PCDH15: variants seen among roughly 807,000 people sequenced by gnomAD.
PCDH15 encodes the protein protocadherin-15.
PCDH15 carries 129 observed loss-of-function variants against 178.5 expected under a neutral mutation model. That is an observed-to-expected ratio of 0.72 (90% CI 0.63 to 0.84). PCDH15 has a LOEUF of 0.84. PCDH15 is among the 40% of genes least tolerant of loss of function. The probability of loss-of-function intolerance (pLI) is 0.00; values close to 1 mark genes in which losing one functional copy is unlikely to be tolerated. For synonymous variants in PCDH15, 800 were observed against 732.0 expected, an observed-to-expected ratio of 1.09 and a Z score of -1.50; for missense variants, 2,230 against 2,099.9, an observed-to-expected ratio of 1.06 and a Z score of -1.21.
At chr10:54,779,135 G>A (rs570278036) in intron 1 of PCDH15, among the ~76,000 whole-genome samples, 1 of 151,832 alleles carries the variant, frequency 6.6e-6, no homozygotes, top group Admixed American at 6.6e-5. Context: ...ACTTTTCTAA[G>A]GCAAGATTCT....
intron 2 of PCDH15, among the ~76,000 whole-genome samples, chr10:54,651,452 T>G (rs955681342): frequency 5.9e-5 from 9 of 152,170 alleles, no homozygotes; most frequent in Non-Finnish European, 1.2e-4. Flanking sequence ...GTTCACTGTT[T>G]TATTAAAAAT....
intron 2 of PCDH15, among the ~76,000 whole-genome samples, chr10:55,402,657 T>G (rs188508085): frequency 1.3e-5 from 2 of 152,194 alleles, no homozygotes; most frequent in East Asian, 3.9e-4. Context: ...AGGATTTCAT[T>G]AATTTTTATG....
At chr10:53,832,508 TTACTCA>T (rs1430071619) in intron 29 of PCDH15, among the ~76,000 whole-genome samples, 1 of 151,998 alleles carries the variant, frequency 6.6e-6, no homozygotes, top group Non-Finnish European at 1.5e-5. Flanking sequence ...AAAAACACAA[TTACTCA>T]TAGTCCCATG....
intron 2 of PCDH15, among the ~76,000 whole-genome samples, chr10:55,561,037 G>T (rs1842187084): frequency 6.6e-6 from 1 of 151,672 alleles, no homozygotes; most frequent in Non-Finnish European, 1.5e-5. Flanking sequence ...CTCTGGGAAG[G>T]TTATTTAGAA....
intron 28 of PCDH15, among the ~76,000 whole-genome samples, chr10:53,853,424 A>G (rs940094746): frequency 2.6e-5 from 4 of 152,060 alleles, no homozygotes; most frequent in African/African-American, 9.7e-5. Flanking sequence ...CAGATGGACT[A>G]CCTCTGACTT....
chr10:55,542,079 AACAG>A (rs199818372), intron 2 of PCDH15, among the ~76,000 whole-genome samples: 3,360 of 151,760 alleles, frequency 0.022, 58 homozygotes, highest in Non-Finnish European at 0.035. Flanking sequence ...TTCCTACCAA[AACAG>A]ACAAATATGG....
intron 2 of PCDH15, among the ~76,000 whole-genome samples, chr10:54,950,660 G>A (rs1191625510): frequency 1.3e-5 from 2 of 151,862 alleles, no homozygotes; most frequent in Non-Finnish European, 1.5e-5. Context: ...GAACACAGGA[G>A]GAACTACCCT....
intron 1 of PCDH15, among the ~76,000 whole-genome samples, chr10:55,291,091 TTCTC>T (rs982237945): frequency 1.3e-5 from 2 of 152,136 alleles, no homozygotes; most frequent in Non-Finnish European, 2.9e-5. Flanking sequence ...TTTCTGATGT[TTCTC>T]TCTTTCTCTC....
chr10:53,830,993 G>A (rs2076983299), intron 30 of PCDH15, among the ~76,000 whole-genome samples: 1 of 151,502 alleles, frequency 6.6e-6, no homozygotes, highest in Non-Finnish European at 1.5e-5. Flanking sequence ...TTTACCCCAG[G>A]ATACCTGTTA....
chr10:54,138,358 C>T (rs2043077665), intron 14 of PCDH15, among the ~76,000 whole-genome samples: 2 of 151,806 alleles, frequency 1.3e-5, no homozygotes, highest in African/African-American at 4.8e-5. Context: ...TTGGTCAAGC[C>T]CAACCAGTAG....
intron 2 of PCDH15, among the ~76,000 whole-genome samples, chr10:55,024,314 AAT>A (rs4007191): frequency 3.5e-5 from 5 of 141,928 alleles, no homozygotes; most frequent in South Asian, 2.2e-4. Context: ...TATGGGATGG[AAT>A]ATATATATAT....
chr10:55,219,431 A>G (rs999673583), intron 1 of PCDH15, among the ~76,000 whole-genome samples: 1 of 151,820 alleles, frequency 6.6e-6, no homozygotes, highest in African/African-American at 2.4e-5. Context: ...ATTTTTATTT[A>G]TGGTCAGATA....
rs67901034 is a variant in PCDH15 at position 55,319,050 on chromosome 10, AACAC to A, written c.-156+545_-156+548del. ...CTTGCAAAAACAAGAAAACAAACAA[AACAC>A]ACACACACACACACACACAAACACA... On this transcript the variant is annotated intron_variant, in intron 1 of 5. Transcript: ENST00000458638. Among the ~76,000 whole-genome samples, 20 of 149,914 alleles carry A rather than the reference AACAC, an allele frequency of 1.3e-4. 1 individual carries two copies. The highest frequency in any genetic ancestry group is 4.2e-4 in the South Asian group (2 of 4,738).
chr10:54,249,487 C>G (rs1013299670), intron 8 of PCDH15, among the ~76,000 whole-genome samples: 8 of 152,108 alleles, frequency 5.3e-5, no homozygotes, highest in Non-Finnish European at 1.0e-4. Context: ...CTTGCCTGTT[C>G]ATTTACTTTG....
chr10:55,094,571 AT>A (rs905467502), intron 2 of PCDH15, among the ~76,000 whole-genome samples: 47 of 152,038 alleles, frequency 3.1e-4, no homozygotes, highest in African/African-American at 1.1e-3. Flanking sequence ...ATTAGGTAGT[AT>A]TGGCAACCTG....
chr10:54,871,771 G>C (rs1012218029), intron 3 of PCDH15, among the ~76,000 whole-genome samples: 2 of 151,950 alleles, frequency 1.3e-5, no homozygotes, highest in Non-Finnish European at 2.9e-5. Context: ...TCCTTAGAAA[G>C]ATTAAACAGT....
chr10:54,840,190 G>A (rs1453047151), intron 3 of PCDH15, among the ~76,000 whole-genome samples: 2 of 151,942 alleles, frequency 1.3e-5, no homozygotes, highest in African/African-American at 4.8e-5. Context: ...GCATGAATCA[G>A]TTTTACCTCT....
chr10:53,889,231 G>C (rs2081387444), intron 26 of PCDH15, among the ~76,000 whole-genome samples: 1 of 151,950 alleles, frequency 6.6e-6, no homozygotes, highest in African/African-American at 2.4e-5. Flanking sequence ...AAAAGTTTCT[G>C]CTCATGAAAA....
intron 2 of PCDH15, among the ~76,000 whole-genome samples, chr10:55,459,804 A>G (rs935649738): frequency 1.2e-4 from 19 of 152,122 alleles, no homozygotes; most frequent in African/African-American, 4.6e-4. Context: ...CTTAGCAGGT[A>G]GAAGGCCATG....
Sources: allele counts gnomAD v4.1 joint callset (sites outside exome capture counted in the v4.1 genomes callset), GRCh38; gene constraint gnomAD v4.1.1; transcripts MANE v1.5; gene names NCBI Gene and HGNC (gene_info 2026-07-23, HGNC 2026-07-21).